The following WDFY4 variants were observed in gnomAD, a reference collection of about 807,000 sequenced individuals.
The protein encoded by WDFY4 is WD repeat- and FYVE domain-containing protein 4.
A neutral mutation model predicts 351.9 loss-of-function variants in WDFY4; 169 were observed. That is an observed-to-expected ratio of 0.48 (90% CI 0.42 to 0.55). The LOEUF (loss-of-function observed/expected upper bound fraction) is 0.55, where lower values mean the gene tolerates loss of function less well. WDFY4 is among the 20% of genes least tolerant of loss of function. The pLI, the probability that WDFY4 is intolerant of heterozygous loss-of-function variation, is 0.00. For synonymous variants in WDFY4, 1,622 were observed against 1,574.6 expected (o/e 1.03, Z -0.71); for missense variants, 3,803 against 3,935.6 (o/e 0.97, Z 0.90).
At chr10:48,833,961 A>G (rs12778556) in intron 39 of WDFY4, among the ~76,000 whole-genome samples, 15,458 of 152,246 alleles carry the variant, frequency 0.1, 961 homozygotes, top group Middle Eastern at 0.2. Flanking sequence ...AGCCGAGGAA[A>G]AGGCCTTTCT....
intron 32 of WDFY4, among the ~76,000 whole-genome samples, chr10:48,818,962 G>T (rs1243366718): frequency 1.3e-5 from 2 of 152,206 alleles, no homozygotes; most frequent in Non-Finnish European, 2.9e-5. Flanking sequence ...CAGGTTTTCT[G>T]CAGGGGTCCA....
chr10:48,769,719 C>T (rs575925194), intron 13 of WDFY4, among the ~76,000 whole-genome samples: 29 of 152,152 alleles, frequency 1.9e-4, no homozygotes, highest in Non-Finnish European at 3.7e-4. Flanking sequence ...CAGGACCCAG[C>T]GCTCGCTGGG....
rs1565198626 is a variant in WDFY4 at position 48,787,904 on chromosome 10, TTCTTC to T, written c.3809-624_3809-620del. 2.6e-3 allele frequency among the ~76,000 whole-genome samples: 76 copies of T among 29,464 alleles called. 3 individuals are homozygous for T. The highest frequency in any genetic ancestry group is 8.6e-3 in the African/African-American group (46 of 5,328). 19.3% of individuals were successfully genotyped at this position (29,464 alleles called of 152,430 possible). ...TTTCTTCTTCTTCTCCTTCTTCTTC[TTCTTC>T]TTCTTCTTCTTCTTCTTCTTCTTCT... On this transcript the variant is annotated intron_variant, in intron 20 of 61. Transcript: ENST00000325239.
At chr10:48,911,580 T>C (rs970940341) in intron 47 of WDFY4, among the ~76,000 whole-genome samples, 4 of 152,232 alleles carry the variant, frequency 2.6e-5, no homozygotes, top group Admixed American at 1.3e-4. Flanking sequence ...CTTGCAGATG[T>C]TTTAAAGTGT....
At chr10:48,787,887 TCTTC>T (rs2066490128) in intron 20 of WDFY4, among the ~76,000 whole-genome samples, 4 of 78,716 alleles carry the variant, frequency 5.1e-5, no homozygotes, top group South Asian at 4.4e-4. Context: ...TCTTTCTTCT[TCTTC>T]TCCTTCTTCT....
chr10:48,837,329 C>CAGTG (rs1470580712), intron 39 of WDFY4, among the ~76,000 whole-genome samples: 1 of 151,978 alleles, frequency 6.6e-6, no homozygotes, highest in Non-Finnish European at 1.5e-5. Context: ...GGGGCCAAGG[C>CAGTG]AGTGGGTAAA....
chr10:48,733,186 G>T (rs1257719836), intron 9 of WDFY4, among the ~76,000 whole-genome samples: 1 of 152,170 alleles, frequency 6.6e-6, no homozygotes, highest in African/African-American at 2.4e-5. Context: ...ACTCCTAGGA[G>T]AAATTAAACT....
At chr10:48,843,493 C>T (rs1209070579) in intron 39 of WDFY4, among the ~76,000 whole-genome samples, 10 of 152,100 alleles carry the variant, frequency 6.6e-5, no homozygotes, top group Non-Finnish European at 1.5e-4. Context: ...TCCTTATAGT[C>T]TGCTTGTTTA....
At chr10:48,788,401 CA>C (rs2066565958) in intron 20 of WDFY4, 128 bp from the exon 21 acceptor site, 1 of 1,144,862 alleles carries the variant, frequency 8.7e-7, no homozygotes, top group East Asian at 2.6e-5. Flanking sequence ...CAAAAACATG[CA>C]ATGTGACAAC....
rs538363656 is a variant in WDFY4, at chr10:48,886,008, T to G, written c.7168-4571T>G. On this transcript the variant is annotated intron_variant, in intron 43 of 61. Transcript: ENST00000325239. Reference sequence around the variant, plus strand: ...TATTAGAATGTATTCAGAACAAGGTTGAGGCAAGCAGAGATGTAGGAAGAG... The same window carrying G: ...TATTAGAATGTATTCAGAACAAGGTGGAGGCAAGCAGAGATGTAGGAAGAG... 2.0e-5 allele frequency among the ~76,000 whole-genome samples: 3 copies of G among 152,234 alleles called. No individual in the cohort carries two copies. The South Asian group carries it at 6.2e-4, about 32-fold the overall frequency.
chr10:48,687,421 C>T (rs1328340889), intron 1 of WDFY4, among the ~76,000 whole-genome samples: 1 of 152,158 alleles, frequency 6.6e-6, no homozygotes, highest in East Asian at 1.9e-4. Context: ...AAATTCTCCA[C>T]TATAAGGTTG....
Position 48,745,404 on chromosome 10 carries a change from G to T in WDFY4, c.2459+1856G>T. On this transcript the variant is annotated intron_variant, in intron 12 of 61. Coordinates refer to ENST00000325239, the MANE Select transcript of WDFY4 (RefSeq NM_001394531.1). ...ATAATGCATGTTCTCAGAGTGTTAGGTTCGATGTTCTATTTATGTCCCTTG... is the reference window on the plus strand; with the variant it reads ...ATAATGCATGTTCTCAGAGTGTTAGTTTCGATGTTCTATTTATGTCCCTTG... 1.4e-5 allele frequency: 3 copies of T among 220,620 alleles called. 1 individual carries two copies. In the South Asian group the frequency reaches 1.7e-4, roughly 13 times the overall value. 13.7% of individuals were successfully genotyped at this position (220,620 alleles called of 1,614,324 possible). A position where few individuals can be genotyped will look rare whatever the true frequency, so the allele number is the denominator to read the frequency against.
chr10:48,852,713 C>T (rs183846785), intron 39 of WDFY4, among the ~76,000 whole-genome samples: 4 of 152,306 alleles, frequency 2.6e-5, no homozygotes, highest in Admixed American at 1.3e-4. Context: ...CATCTTCAAG[C>T]CCTCCCTACA....
rs1237320574 is a variant in WDFY4 at position 48,735,946 on chromosome 10, A to G, written c.1754A>G (p.Glu585Gly). 6.4e-7 allele frequency: 1 copy of G among 1,551,644 alleles called. No homozygotes were observed. The highest frequency in any genetic ancestry group is 8.7e-7 in the Non-Finnish European group (1 of 1,147,014). The change falls in exon 11 of 62, where the codon GAG becomes GGG. Residue 585 changes from glutamate to glycine, a missense_variant. By Grantham distance (98) the Glu-to-Gly change is moderately conservative (BLOSUM62 -2). Coordinates refer to ENST00000325239, the MANE Select transcript of WDFY4 (RefSeq NM_001394531.1). The part of the protein sequence containing the change: ...KIFLDDECYR[E>G]ASLSILEQLS... Reference sequence around the variant, plus strand: ...TTCCTGGATGACGAGTGCTACCGGGAGGCCTCGCTCAGCATCTTGGAGCAG... The same window carrying G: ...TTCCTGGATGACGAGTGCTACCGGGGGGCCTCGCTCAGCATCTTGGAGCAG...
chr10:48,807,908 G>A lies in WDFY4; in HGVS notation c.4788G>A (p.Leu1596=), dbSNP rs1271305624. The A allele has an allele frequency of 4.5e-6, 7 of 1,551,422 alleles. No individual in the cohort carries two copies. The highest frequency in any genetic ancestry group is 6.1e-6 in the Non-Finnish European group (7 of 1,146,946). The change falls in exon 28 of 62, where the codon CTG becomes CTA. Residue 1596 remains leucine, a synonymous_variant. Transcript: ENST00000325239. ...GKTIWLRNQL[L]EMLLSVISSP... ...CAATCTGGCTCAGAAACCAGTTGCT[G>A]GAGATGCTGCTCAGTGTAATATCTT...
At chr10:48,777,301 G>A (rs1480870761) in intron 16 of WDFY4, 118 bp from the exon 17 acceptor site, 1 of 992,546 alleles carries the variant, frequency 1.0e-6, no homozygotes, top group Non-Finnish European at 1.5e-6. Context: ...TATGGTCTAA[G>A]GAGGGTTACA....
chr10:48,726,005 C>G lies in WDFY4; in HGVS notation c.716C>G (p.Pro239Arg), dbSNP rs966343259. Residue 239 changes from proline to arginine, a missense_variant, in exon 6 of 62, where the codon CCC becomes CGC. By Grantham distance (103) the Pro-to-Arg change is moderately radical. This residue lies in a region of WDFY4 where 488 missense variants were observed against 456.8 expected (regional missense o/e 1.07). Transcript: ENST00000325239. ...CACAGCTGCTGCTTCTGGAAGGAAC[C>G]CACCTTCTGCGTGCTAAGGGCAATC... ...REHSCCFWKE[P>R]TFCVLRAISK... 1.9e-5 allele frequency: 29 copies of G among 1,551,542 alleles called. No individual in the cohort carries two copies. The highest frequency in any genetic ancestry group is 2.5e-5 in the Non-Finnish European group (29 of 1,146,984).
intron 39 of WDFY4, among the ~76,000 whole-genome samples, chr10:48,833,494 A>G (rs1388174295): frequency 6.6e-6 from 1 of 152,178 alleles, no homozygotes; most frequent in Non-Finnish European, 1.5e-5. Context: ...ACCTAGCTTC[A>G]GGAGCCATGC....
intron 39 of WDFY4, among the ~76,000 whole-genome samples, chr10:48,833,566 C>T (rs1343468302): frequency 6.6e-6 from 1 of 152,214 alleles, no homozygotes; most frequent in Non-Finnish European, 1.5e-5. Context: ...GGGAAATAGA[C>T]TCCACCTTCT....
Sources: allele counts gnomAD v4.1 joint callset (sites outside exome capture counted in the v4.1 genomes callset), GRCh38; gene constraint gnomAD v4.1.1; regional missense constraint gnomAD v4.1.1; transcripts MANE v1.5; gene names NCBI Gene and HGNC (gene_info 2026-07-23, HGNC 2026-07-21).